CEP112: variants seen among roughly 807,000 people sequenced by gnomAD.
The protein encoded by CEP112 is centrosomal protein of 112 kDa.
CEP112 carries 127 observed loss-of-function variants against 153.0 expected under a neutral mutation model. The observed-to-expected ratio is 0.83, with a 90% CI of 0.72 to 0.96. The LOEUF is 0.96. Among genes scored for constraint, CEP112 ranks in the 40% least tolerant of loss-of-function variants. CEP112 has a pLI of 0.00. For missense variants in CEP112, 1,089 were observed against 1,101.2 expected (o/e 0.99, Z 0.16); for synonymous variants, 358 against 374.4 (o/e 0.96, Z 0.51).
intron 23 of CEP112, among the ~76,000 whole-genome samples, chr17:65,722,712 C>A (rs1053074831): frequency 6.6e-6 from 1 of 152,096 alleles, no homozygotes; most frequent in African/African-American, 2.4e-5. Context: ...AGAAGAAGAA[C>A]GGATGAGAGA....
intron 17 of CEP112, among the ~76,000 whole-genome samples, chr17:65,973,039 T>G (rs763220949): frequency 2.0e-4 from 30 of 152,362 alleles, no homozygotes; most frequent in Middle Eastern, 3.4e-3. Context: ...GTCTTGGAAT[T>G]ACAGGCGTAA....
chr17:65,888,279 A>T (rs1310373030), intron 20 of CEP112, among the ~76,000 whole-genome samples: 1 of 152,216 alleles, frequency 6.6e-6, no homozygotes, highest in African/African-American at 2.4e-5. Context: ...TCCTTCAGGC[A>T]ATCAGTCTTC....
At chr17:65,782,458 C>T (rs144716264) in intron 21 of CEP112, among the ~76,000 whole-genome samples, 72 of 152,264 alleles carry the variant, frequency 4.7e-4, no homozygotes, top group Middle Eastern at 6.8e-3. Context: ...AAAAATGGAA[C>T]TACCATTTGA....
At chr17:65,681,913 C>T (rs1034557728) in intron 24 of CEP112, among the ~76,000 whole-genome samples, 1 of 152,018 alleles carries the variant, frequency 6.6e-6, no homozygotes, top group Non-Finnish European at 1.5e-5. Context: ...CTCCTGGGCT[C>T]AAGCAGCCTG....
intron 21 of CEP112, among the ~76,000 whole-genome samples, chr17:65,844,693 A>G (rs559120204): frequency 2.0e-4 from 30 of 150,374 alleles, no homozygotes; most frequent in African/African-American, 6.8e-4. Context: ...AAAAAAACCT[A>G]AATGTTCTAA....
intron 17 of CEP112, among the ~76,000 whole-genome samples, chr17:66,003,122 G>A (rs2064129600): frequency 6.6e-6 from 1 of 152,130 alleles, no homozygotes; most frequent in African/African-American, 2.4e-5. Flanking sequence ...CTACTATGCT[G>A]GGTACTGTAC....
rs560914895 is a variant in CEP112, at chr17:66,010,401, G to A, written c.1657-4632C>T. Among the ~76,000 whole-genome samples the A allele has an allele frequency of 9.9e-5, 15 of 152,198 alleles. No individual in the cohort carries two copies. The South Asian group carries it at 1.7e-3, about 17-fold the overall frequency. The stretch of plus-strand genomic sequence containing the variant: ...TTCTAGGCATAGAATCATATCATCC[G>A]CAAACAGGGATATTTGACTTCCTCT... On this transcript the variant is annotated intron_variant, in intron 16 of 26. Transcript: ENST00000535342.
chr17:66,043,897 G>A (rs2066091726), intron 12 of CEP112, among the ~76,000 whole-genome samples: 1 of 152,114 alleles, frequency 6.6e-6, no homozygotes, highest in Admixed American at 6.5e-5. Context: ...CTGATTCTCA[G>A]TGACAGTCCC....
At chr17:66,089,236 C>T (rs867098607) in intron 8 of CEP112, among the ~76,000 whole-genome samples, 23 of 152,258 alleles carry the variant, frequency 1.5e-4, no homozygotes, top group Middle Eastern at 3.4e-3. Context: ...ATAATAATTT[C>T]CTACTTCTTC....
intron 18 of CEP112, among the ~76,000 whole-genome samples, chr17:65,958,932 C>A (rs142923863): frequency 6.6e-6 from 1 of 152,178 alleles, no homozygotes; most frequent in African/African-American, 2.4e-5. Flanking sequence ...AAGCCCCAGG[C>A]TCAGCCAGAG....
At chr17:65,651,004 T>C (rs1007256377) in intron 24 of CEP112, among the ~76,000 whole-genome samples, 1 of 152,122 alleles carries the variant, frequency 6.6e-6, no homozygotes, top group Non-Finnish European at 1.5e-5. Context: ...AGTTCTTTAG[T>C]GGTGATTTGG....
chr17:65,961,484 G>T lies in CEP112; in HGVS notation c.1851C>A (p.Val617=). The T allele has an allele frequency of 6.2e-7, 1 of 1,610,540 alleles. No individual in the cohort carries two copies. Among genetic ancestry groups the T allele is most frequent in the South Asian group, 1.1e-5 (1 of 90,760 alleles). Reference sequence around the variant, plus strand: ...TTACCTGCTCTTTCATTTCAGCATAGACTTTCTCTGAGTTCAGTTCCACCT... The same window carrying T: ...TTACCTGCTCTTTCATTTCAGCATATACTTTCTCTGAGTTCAGTTCCACCT... ...KRQVELNSEK[V]YAEMKEQMEK... is the part of the protein sequence containing the mutation. Residue 617 remains valine (V), a synonymous_variant, in exon 18 of 27, where the codon GTC becomes GTA. Transcript: ENST00000535342.
intron 5 of CEP112, among the ~76,000 whole-genome samples, chr17:66,131,593 T>C (rs909708559): frequency 2.0e-5 from 3 of 151,920 alleles, no homozygotes; most frequent in Admixed American, 1.3e-4. Context: ...TACAAAAAAT[T>C]AGCCAGGTGT....
chr17:65,767,891 A>T (rs1206443022), intron 21 of CEP112, among the ~76,000 whole-genome samples: 1 of 152,142 alleles, frequency 6.6e-6, no homozygotes, highest in Non-Finnish European at 1.5e-5. Context: ...AATCTCCCCA[A>T]GAAAGAAAAG....
chr17:66,161,820 T>A (rs888436094), intron 4 of CEP112, among the ~76,000 whole-genome samples: 1 of 151,704 alleles, frequency 6.6e-6, no homozygotes, highest in Admixed American at 6.6e-5. Context: ...ATCCCAGAAC[T>A]TAAAGTATAT....
intron 24 of CEP112, among the ~76,000 whole-genome samples, chr17:65,668,961 GCTAA>G (rs1382363344): frequency 6.6e-6 from 1 of 152,098 alleles, no homozygotes; most frequent in Non-Finnish European, 1.5e-5. Context: ...TTTTCTCCCA[GCTAA>G]CTTTCTTTTG....
intron 19 of CEP112, among the ~76,000 whole-genome samples, chr17:65,908,627 G>GAGGTTGCGGTGA: frequency 6.6e-6 from 1 of 151,672 alleles, no homozygotes. Context: ...CCGGGAGGTG[G>GAGGTTGCGGTGA]AGGTTGCGGT....
intron 19 of CEP112, among the ~76,000 whole-genome samples, chr17:65,919,347 G>T (rs932725975): frequency 6.6e-6 from 1 of 152,124 alleles, no homozygotes; most frequent in Non-Finnish European, 1.5e-5. Flanking sequence ...ACACTCCCCC[G>T]GGGATCACCT....
chr17:65,654,338 C>T (rs529739105), intron 24 of CEP112, among the ~76,000 whole-genome samples: 1 of 152,156 alleles, frequency 6.6e-6, no homozygotes, highest in South Asian at 2.1e-4. Flanking sequence ...ATATTCATTT[C>T]CCGCCTTTCT....
Sources: allele counts gnomAD v4.1 joint callset (sites outside exome capture counted in the v4.1 genomes callset), GRCh38; gene constraint gnomAD v4.1.1; transcripts MANE v1.5; gene names NCBI Gene and HGNC (gene_info 2026-07-23, HGNC 2026-07-21).